BTBD9: variants seen among roughly 807,000 people sequenced by gnomAD.
The protein encoded by BTBD9 is BTB domain containing 9.
Under a neutral mutation model 64.3 loss-of-function variants are expected in BTBD9, and 49 were observed. The observed-to-expected ratio is 0.76, with a 90% CI of 0.61 to 0.97. The LOEUF is 0.97. BTBD9 is among the 50% of genes least tolerant of loss of function. The pLI is 0.00. For synonymous variants in BTBD9, 260 were observed against 274.7 expected, an observed-to-expected ratio of 0.95 and a Z score of 0.53; for missense variants, 598 against 762.1, an observed-to-expected ratio of 0.78 and a Z score of 2.53.
At chr6:38,372,115 G>C (rs1765451858) in intron 6 of BTBD9, among the ~76,000 whole-genome samples, 1 of 152,088 alleles carries the variant, frequency 6.6e-6, no homozygotes, top group African/African-American at 2.4e-5. Context: ...ACCATCTCCT[G>C]GGCCATCAGT....
At position 38,169,857 on chromosome 6, in the gene BTBD9, G is replaced by C. The variant is rs1006567687; in HGVS notation, c.*5128C>G. On this transcript the variant is annotated 3_prime_UTR_variant, in exon 11 of 11. Transcript: ENST00000481247. ...ATAAATTACAGGTGGATGATTGTGAGTCTTCAGGCCATGAGGCCTCTTGGG... is the reference window on the plus strand; with the variant it reads ...ATAAATTACAGGTGGATGATTGTGACTCTTCAGGCCATGAGGCCTCTTGGG... 6.6e-6 allele frequency: 1 copy of C among 151,348 alleles called. No homozygotes were observed. Among genetic ancestry groups the C allele is most frequent in the African/African-American group, 2.4e-5 (1 of 41,202 alleles). The allele number at this position is 151,348 out of a possible 1,614,324, so 9.4% of individuals were successfully genotyped here.
chr6:38,215,319 G>A (rs1234919754), intron 9 of BTBD9, among the ~76,000 whole-genome samples: 5 of 152,140 alleles, frequency 3.3e-5, no homozygotes, highest in Non-Finnish European at 7.3e-5. Context: ...TTGTGTTCCT[G>A]CAGATCTGAA....
chr6:38,291,489 T>C (rs893356255), intron 7 of BTBD9, among the ~76,000 whole-genome samples: 3 of 152,206 alleles, frequency 2.0e-5, no homozygotes, highest in Admixed American at 2.0e-4. Flanking sequence ...CCTTTATGTC[T>C]TTCTCTAGCC....
intron 6 of BTBD9, among the ~76,000 whole-genome samples, chr6:38,466,468 T>G (rs574638425): frequency 6.6e-6 from 1 of 152,168 alleles, no homozygotes; most frequent in East Asian, 1.9e-4. Context: ...ATTTTGCATT[T>G]TTTTAGTAGA....
At chr6:38,323,218 T>C (rs1763302548) in intron 7 of BTBD9, among the ~76,000 whole-genome samples, 1 of 152,230 alleles carries the variant, frequency 6.6e-6, no homozygotes, top group Non-Finnish European at 1.5e-5. Flanking sequence ...ATGATAATTT[T>C]TTCCCATCAC....
chr6:38,572,774 AAAC>A (rs1420961279), intron 6 of BTBD9, among the ~76,000 whole-genome samples: 4 of 151,656 alleles, frequency 2.6e-5, no homozygotes, highest in Non-Finnish European at 4.4e-5. Context: ...TAAAAAAAAA[AAAC>A]AAGTAGTGGA....
intron 6 of BTBD9, among the ~76,000 whole-genome samples, chr6:38,481,275 A>G (rs1043756669): frequency 1.3e-5 from 2 of 152,214 alleles, no homozygotes; most frequent in South Asian, 2.1e-4. Flanking sequence ...ATAGCATCAT[A>G]TAATTCAAAT....
chr6:38,565,488 T>A (rs1352759404), intron 6 of BTBD9, among the ~76,000 whole-genome samples: 1 of 149,142 alleles, frequency 6.7e-6, no homozygotes, highest in African/African-American at 2.6e-5. Flanking sequence ...AACCATCTGA[T>A]CAAAACTCTA....
rs146260847 is a variant in BTBD9, at chr6:38,403,481, A to T, written c.1155-58388T>A. 1.2e-4 allele frequency among the ~76,000 whole-genome samples: 19 copies of T among 152,348 alleles called. No homozygotes were observed. In the East Asian group the frequency reaches 3.7e-3, roughly 29 times the overall value. Reference sequence around the variant, plus strand: ...AAATCCCCAATAAGCATATGAAAAGACACTCAATGTTATTAGCCATCAGGT... The same window carrying T: ...AAATCCCCAATAAGCATATGAAAAGTCACTCAATGTTATTAGCCATCAGGT... On this transcript the variant is annotated intron_variant, in intron 6 of 10. Coordinates refer to ENST00000481247, the MANE Select transcript of BTBD9 (RefSeq NM_001099272.2).
At chr6:38,218,972 C>G (rs1409387581) in intron 9 of BTBD9, among the ~76,000 whole-genome samples, 1 of 151,966 alleles carries the variant, frequency 6.6e-6, no homozygotes, top group Non-Finnish European at 1.5e-5. Flanking sequence ...GGCTGTGTAC[C>G]AGGTTTGGTG....
intron 6 of BTBD9, among the ~76,000 whole-genome samples, chr6:38,384,569 ATTAGAAGGTCT>A (rs1454766952): frequency 6.6e-6 from 1 of 152,212 alleles, no homozygotes; most frequent in Non-Finnish European, 1.5e-5. Context: ...TGAAATATAT[ATTAGAAGGTCT>A]TCACAACTAG....
intron 6 of BTBD9, among the ~76,000 whole-genome samples, chr6:38,437,158 C>T (rs1768780186): frequency 6.6e-6 from 1 of 152,108 alleles, no homozygotes; most frequent in African/African-American, 2.4e-5. Context: ...ACTATGATCA[C>T]GTGTATATTT....
At chr6:38,622,654 C>A (rs559650761) in intron 1 of BTBD9, among the ~76,000 whole-genome samples, 1 of 152,166 alleles carries the variant, frequency 6.6e-6, no homozygotes, top group Non-Finnish European at 1.5e-5. Context: ...CCTGTAACCA[C>A]GAACACCGTG....
chr6:38,199,381 G>A (rs958710139), intron 9 of BTBD9, among the ~76,000 whole-genome samples: 5 of 152,084 alleles, frequency 3.3e-5, no homozygotes, highest in African/African-American at 4.8e-5. Flanking sequence ...GATACTGAAC[G>A]ACCTTCCCTC....
At chr6:38,439,481 C>T (rs1219469698) in intron 6 of BTBD9, among the ~76,000 whole-genome samples, 3 of 151,152 alleles carry the variant, frequency 2.0e-5, no homozygotes, top group Admixed American at 6.6e-5. Flanking sequence ...GGCTGGAGTA[C>T]AGTGGCACAA....
intron 6 of BTBD9, among the ~76,000 whole-genome samples, chr6:38,500,035 A>G (rs1238453646): frequency 6.6e-6 from 1 of 152,176 alleles, no homozygotes; most frequent in Non-Finnish European, 1.5e-5. Context: ...AGGTATAATC[A>G]TTACTACTTG....
At chr6:38,265,332 T>A (rs981395958) in intron 8 of BTBD9, among the ~76,000 whole-genome samples, 2 of 152,006 alleles carry the variant, frequency 1.3e-5, no homozygotes, top group Non-Finnish European at 2.9e-5. Context: ...AGTATAATTA[T>A]TTATTTATTT....
intron 6 of BTBD9, among the ~76,000 whole-genome samples, chr6:38,412,808 G>A (rs768547324): frequency 7.2e-5 from 11 of 152,078 alleles, no homozygotes; most frequent in South Asian, 4.1e-4. Context: ...GCAGTGAGCC[G>A]AGATCAGACC....
rs113978897 is a variant in BTBD9 at position 38,364,109 on chromosome 6, T to C, written c.1155-19016A>G. ...GAAAATGCAATGGAGCTGAGTGGGA[T>C]GAACTAGAGAACCTAATGTAGCATT... is the stretch of plus-strand genomic sequence containing the variant. On this transcript the variant is annotated intron_variant, in intron 6 of 10. Transcript: ENST00000481247. Among the ~76,000 whole-genome samples the C allele has an allele frequency of 7.3e-3, 1,109 of 152,248 alleles. 10 individuals are homozygous for C. The highest frequency in any genetic ancestry group is 0.025 in the African/African-American group (1,038 of 41,530).
Sources: allele counts gnomAD v4.1 joint callset (sites outside exome capture counted in the v4.1 genomes callset), GRCh38; gene constraint gnomAD v4.1.1; transcripts MANE v1.5; gene names NCBI Gene and HGNC (gene_info 2026-07-23, HGNC 2026-07-21).